Variants in GULP1 observed in about 807,000 individuals in gnomAD.
GULP1 encodes PTB domain-containing engulfment adapter protein 1.
A neutral mutation model predicts 40.9 loss-of-function variants in GULP1; 19 were observed. The ratio of observed to expected loss-of-function variants is 0.46; its 90% CI spans 0.32 to 0.68. The LOEUF (loss-of-function observed/expected upper bound fraction) is 0.68. Among genes scored for constraint, GULP1 ranks in the 30% least tolerant of loss-of-function variants. The pLI is 0.03. For synonymous variants in GULP1, 119 were observed against 117.6 expected (o/e 1.01, Z -0.08); for missense variants, 312 against 362.2 (o/e 0.86, Z 1.12).
chr2:188,494,718 C>CTCATAA (rs2062736298), intron 4 of GULP1, among the ~76,000 whole-genome samples: 1 of 151,998 alleles, frequency 6.6e-6, no homozygotes, highest in Non-Finnish European at 1.5e-5. Flanking sequence ...TCACATTTTT[C>CTCATAA]TCATAATCTA....
chr2:188,371,442 G>A (rs2047586243), intron 1 of GULP1, among the ~76,000 whole-genome samples: 1 of 152,006 alleles, frequency 6.6e-6, no homozygotes, highest in Non-Finnish European at 1.5e-5. Context: ...TCCTCCATTT[G>A]TAAGAAGGAA....
chr2:188,591,001 AAG>A (rs1405675751), intron 11 of GULP1: 1 of 152,118 alleles, frequency 6.6e-6, no homozygotes, highest in Non-Finnish European at 1.5e-5. Flanking sequence ...TTATAAGGAA[AAG>A]AAAAATACGG....
chr2:188,345,066 G>C (rs1423953687), intron 1 of GULP1, among the ~76,000 whole-genome samples: 1 of 152,096 alleles, frequency 6.6e-6, no homozygotes, highest in Non-Finnish European at 1.5e-5. Context: ...AAACCTCAGA[G>C]TATGTACTTC....
rs377530902 is a variant in GULP1, at chr2:188,515,015, G to A, written c.91-7741G>A. ...ACAAAGAGAGCTACAATGAACATCC[G>A]TGCAGGACATTTACTTGAACATTAG... On this transcript the variant is annotated intron_variant, in intron 4 of 11. Transcript: ENST00000409830. 6.6e-5 allele frequency among the ~76,000 whole-genome samples: 10 copies of A among 152,208 alleles called. 1 individual carries two copies. In the South Asian group the frequency reaches 1.7e-3, roughly 25 times the overall value.
chr2:188,393,326 T>G (rs2050779764), intron 2 of GULP1, among the ~76,000 whole-genome samples: 1 of 152,044 alleles, frequency 6.6e-6, no homozygotes. Flanking sequence ...TTTATTATTA[T>G]GTAATGACCT....
At chr2:188,485,147 T>A (rs1249390974) in intron 4 of GULP1, among the ~76,000 whole-genome samples, 1 of 152,142 alleles carries the variant, frequency 6.6e-6, no homozygotes, top group Non-Finnish European at 1.5e-5. Context: ...ACCATTAATA[T>A]TTTTATGTGA....
intron 7 of GULP1, among the ~76,000 whole-genome samples, chr2:188,567,238 C>G (rs1303688976): frequency 6.6e-6 from 1 of 152,104 alleles, no homozygotes; most frequent in Non-Finnish European, 1.5e-5. Flanking sequence ...CCTCAAGGAT[C>G]TAGAACTAGA....
At chr2:188,389,166 G>T (rs1374650494) in intron 2 of GULP1, among the ~76,000 whole-genome samples, 1 of 152,160 alleles carries the variant, frequency 6.6e-6, no homozygotes, top group Non-Finnish European at 1.5e-5. Context: ...TTTTGTTATT[G>T]TTGGTAAAAT....
chr2:188,540,294 A>T (rs1690103672), intron 6 of GULP1, among the ~76,000 whole-genome samples: 1 of 152,106 alleles, frequency 6.6e-6, no homozygotes, highest in Admixed American at 6.6e-5. Context: ...ATTAACACGG[A>T]TGATCTATAT....
chr2:188,424,511 C>A (rs1186453794), intron 2 of GULP1, among the ~76,000 whole-genome samples: 1 of 151,816 alleles, frequency 6.6e-6, no homozygotes, highest in Non-Finnish European at 1.5e-5. Flanking sequence ...ATAAATATTT[C>A]TGTGTGAATT....
chr2:188,409,157 G>A lies in GULP1; in HGVS notation c.-45+25268G>A. 1.3e-5 allele frequency among the ~76,000 whole-genome samples: 2 copies of A among 152,074 alleles called. 1 individual carries two copies. Among genetic ancestry groups the A allele is most frequent in the Non-Finnish European group, 2.9e-5 (2 of 68,004 alleles). On this transcript the variant is annotated intron_variant, in intron 2 of 11. Coordinates refer to ENST00000409830, the MANE Select transcript of GULP1 (RefSeq NM_016315.4). ...AATCAGTGCAAATAAATGAAATGGA[G>A]AATAGGACAACAATAACAAAGAGCA...
intron 2 of GULP1, among the ~76,000 whole-genome samples, chr2:188,462,011 A>G (rs2059746091): frequency 6.6e-6 from 1 of 151,768 alleles, no homozygotes; most frequent in African/African-American, 2.4e-5. Flanking sequence ...TTTAAGATGC[A>G]TGATTACATT....
intron 2 of GULP1, among the ~76,000 whole-genome samples, chr2:188,422,185 T>G (rs1215531454): frequency 6.6e-6 from 1 of 151,528 alleles, no homozygotes; most frequent in East Asian, 1.9e-4. Flanking sequence ...TTTAAATATT[T>G]TATTTCTTCA....
chr2:188,470,225 T>C (rs190383587), intron 2 of GULP1, among the ~76,000 whole-genome samples: 3 of 152,294 alleles, frequency 2.0e-5, no homozygotes, highest in Admixed American at 6.5e-5. Flanking sequence ...ACAGCTTTGA[T>C]CTTGTCACTT....
intron 2 of GULP1, among the ~76,000 whole-genome samples, chr2:188,467,960 A>G (rs1304233687): frequency 6.6e-6 from 1 of 152,164 alleles, no homozygotes; most frequent in Non-Finnish European, 1.5e-5. Flanking sequence ...TTCCATAAAA[A>G]GCTTAAATAA....
chr2:188,355,081 A>G (rs1323778450), intron 1 of GULP1, among the ~76,000 whole-genome samples: 2 of 152,164 alleles, frequency 1.3e-5, no homozygotes, highest in Admixed American at 6.6e-5. Flanking sequence ...TAAGCTCTAC[A>G]TCCAAAAAGT....
intron 2 of GULP1, among the ~76,000 whole-genome samples, chr2:188,396,089 G>GT (rs890007153): frequency 2.8e-4 from 43 of 152,310 alleles, no homozygotes; most frequent in African/African-American, 1.0e-3. Context: ...ATAATGGACT[G>GT]TGTCAGTTGG....
chr2:188,564,555 A>G (rs1193499287), intron 7 of GULP1, among the ~76,000 whole-genome samples: 2 of 151,926 alleles, frequency 1.3e-5, no homozygotes, highest in Non-Finnish European at 2.9e-5. Context: ...CAAAGTATTG[A>G]TGTAAGTAAA....
intron 9 of GULP1, among the ~76,000 whole-genome samples, chr2:188,576,032 A>G (rs1327409711): frequency 6.6e-6 from 1 of 152,122 alleles, no homozygotes; most frequent in Admixed American, 6.5e-5. Flanking sequence ...AAGGAGCAGG[A>G]ATGTCCCTTC....
Sources: gnomAD v4.1 joint callset for allele counts (sites outside exome capture counted in the v4.1 genomes callset) on GRCh38, gnomAD v4.1.1 for gene constraint, MANE v1.5 for transcripts, NCBI Gene and HGNC (gene_info 2026-07-23, HGNC 2026-07-21) for gene names.